Variants in KCNC2 observed in about 807,000 individuals in gnomAD.
KCNC2 encodes potassium voltage-gated channel subfamily C member 2.
KCNC2 carries 21 observed loss-of-function variants against 44.5 expected under a neutral mutation model. That is an observed-to-expected ratio of 0.47 (90% CI 0.33 to 0.68). The LOEUF (loss-of-function observed/expected upper bound fraction) is 0.68. Among genes scored for constraint, KCNC2 ranks in the 30% least tolerant of loss-of-function variants. KCNC2 has a pLI of 0.01. For synonymous variants in KCNC2, 391 were observed against 339.1 expected (o/e 1.15, Z -1.68); for missense variants, 589 against 826.2 (o/e 0.71, Z 3.52).
intron 2 of KCNC2, among the ~76,000 whole-genome samples, chr12:75,122,535 A>C (rs1236252547): frequency 2.0e-5 from 3 of 152,202 alleles, no homozygotes; most frequent in Non-Finnish European, 4.4e-5. Context: ...CCGTAGTCCT[A>C]CATTTAAGAT....
chr12:75,203,019 G>A (rs1365113097), intron 2 of KCNC2, among the ~76,000 whole-genome samples: 1 of 151,536 alleles, frequency 6.6e-6, no homozygotes, highest in African/African-American at 2.4e-5. Context: ...TTGAATAAAT[G>A]TGCTTTCTAA....
intron 2 of KCNC2, among the ~76,000 whole-genome samples, chr12:75,153,612 T>A (rs930570926): frequency 6.6e-6 from 1 of 151,386 alleles, no homozygotes; most frequent in Non-Finnish European, 1.5e-5. Flanking sequence ...ATCCCCTAAA[T>A]CTATAATAAT....
intron 2 of KCNC2, among the ~76,000 whole-genome samples, chr12:75,136,159 C>T (rs181870698): frequency 4.6e-5 from 7 of 151,954 alleles, no homozygotes; most frequent in Admixed American, 2.6e-4. Flanking sequence ...CACAACATAC[C>T]GAAACATCTG....
intron 2 of KCNC2, among the ~76,000 whole-genome samples, chr12:75,092,766 C>T (rs918883530): frequency 6.6e-6 from 1 of 151,560 alleles, no homozygotes; most frequent in African/African-American, 2.4e-5. Flanking sequence ...GCCAAAATCC[C>T]TAATACAAGA....
intron 2 of KCNC2, among the ~76,000 whole-genome samples, chr12:75,082,156 CTA>C: frequency 2.3e-3 from 5 of 2,178 alleles, no homozygotes; most frequent in African/African-American, 6.7e-3. Flanking sequence ...TTTAGAAGTG[CTA>C]GTGCTATAGA....
At chr12:75,179,081 A>G (rs940675407) in intron 2 of KCNC2, among the ~76,000 whole-genome samples, 3 of 152,088 alleles carry the variant, frequency 2.0e-5, no homozygotes, top group African/African-American at 7.2e-5. Context: ...AGATAATGAA[A>G]TAAAAGTTAA....
At chr12:75,089,259 C>A (rs538857781) in intron 2 of KCNC2, among the ~76,000 whole-genome samples, 1 of 151,732 alleles carries the variant, frequency 6.6e-6, no homozygotes, top group East Asian at 1.9e-4. Context: ...TACTGTAATG[C>A]GCTAAAGTAA....
chr12:75,193,978 A>G (rs1681670258), intron 2 of KCNC2, among the ~76,000 whole-genome samples: 3 of 152,182 alleles, frequency 2.0e-5, no homozygotes. Flanking sequence ...GAATTTTCCA[A>G]TTAGTATCTT....
intron 2 of KCNC2, among the ~76,000 whole-genome samples, chr12:75,055,553 G>C (rs1881650571): frequency 6.6e-6 from 1 of 152,044 alleles, no homozygotes; most frequent in African/African-American, 2.4e-5. Flanking sequence ...TGAAATGTTA[G>C]AAAGCTCTCC....
intron 2 of KCNC2, among the ~76,000 whole-genome samples, chr12:75,173,809 A>G (rs1174414487): frequency 6.6e-6 from 1 of 151,928 alleles, no homozygotes; most frequent in Non-Finnish European, 1.5e-5. Context: ...TGTTATTGGA[A>G]TAGCGAATTA....
At chr12:75,121,234 T>G (rs1888026171) in intron 2 of KCNC2, among the ~76,000 whole-genome samples, 1 of 152,250 alleles carries the variant, frequency 6.6e-6, no homozygotes, top group Non-Finnish European at 1.5e-5. Flanking sequence ...TTACAGCTGC[T>G]TTGTTTTCAA....
At chr12:75,070,092 G>A (rs1240997422) in intron 2 of KCNC2, among the ~76,000 whole-genome samples, 1 of 152,154 alleles carries the variant, frequency 6.6e-6, no homozygotes, top group Non-Finnish European at 1.5e-5. Flanking sequence ...TTAAGAAAAT[G>A]CACTTAATGA....
chr12:75,190,317 G>A (rs2030072615), intron 2 of KCNC2, among the ~76,000 whole-genome samples: 1 of 151,914 alleles, frequency 6.6e-6, no homozygotes, highest in Admixed American at 6.6e-5. Flanking sequence ...TCATCTCTAA[G>A]ACCTCTATCC....
chr12:75,088,585 T>C (rs1885216534), intron 2 of KCNC2, among the ~76,000 whole-genome samples: 2 of 152,162 alleles, frequency 1.3e-5, no homozygotes, highest in Non-Finnish European at 2.9e-5. Flanking sequence ...GTCATAGTTA[T>C]GCTCTCTTTA....
chr12:75,066,689 G>A (rs1179364155), intron 2 of KCNC2, among the ~76,000 whole-genome samples: 1 of 151,924 alleles, frequency 6.6e-6, no homozygotes, highest in African/African-American at 2.4e-5. Flanking sequence ...CTTTTAGCCT[G>A]GAATTTGTAA....
At chr12:75,076,304 T>TGA (rs1301348885) in intron 2 of KCNC2, among the ~76,000 whole-genome samples, 3 of 151,594 alleles carry the variant, frequency 2.0e-5, no homozygotes, top group Non-Finnish European at 4.4e-5. Context: ...TTTCTGAGAC[T>TGA]GAGTCTCGCT....
intron 2 of KCNC2, among the ~76,000 whole-genome samples, chr12:75,120,683 G>A (rs1887987698): frequency 1.3e-5 from 2 of 152,140 alleles, no homozygotes; most frequent in South Asian, 2.1e-4. Context: ...CTTGGCATGT[G>A]ATTATTAATT....
chr12:75,181,173 C>T (rs1427912463), intron 2 of KCNC2, among the ~76,000 whole-genome samples: 1 of 152,048 alleles, frequency 6.6e-6, no homozygotes, highest in Non-Finnish European at 1.5e-5. Context: ...ATTTAAAATG[C>T]AACTTAGTTA....
At chr12:75,205,074 G>A (rs1318630189) in intron 2 of KCNC2, among the ~76,000 whole-genome samples, 1 of 152,128 alleles carries the variant, frequency 6.6e-6, no homozygotes, top group Non-Finnish European at 1.5e-5. Context: ...GGACCCTAGT[G>A]AATGTCTTAT....
Sources: gnomAD v4.1 joint callset for allele counts (sites outside exome capture counted in the v4.1 genomes callset) on GRCh38, gnomAD v4.1.1 for gene constraint, MANE v1.5 for transcripts, NCBI Gene and HGNC (gene_info 2026-07-23, HGNC 2026-07-21) for gene names.